Variants in SOS1 observed in about 807,000 individuals in gnomAD.
SOS1 encodes SOS Ras/Rac guanine nucleotide exchange factor 1.
Under a neutral mutation model 157.6 loss-of-function variants are expected in SOS1, and 25 were observed. The ratio of observed to expected loss-of-function variants is 0.16; its 90% CI spans 0.12 to 0.22. SOS1 has a LOEUF of 0.22. SOS1 is among the 10% of genes least tolerant of loss of function. The probability of loss-of-function intolerance (pLI) is 1.00; values close to 1 mark genes in which losing one functional copy is unlikely to be tolerated. For synonymous variants in SOS1, 528 were observed against 534.0 expected (o/e 0.99, Z 0.16); for missense variants, 1,237 against 1,599.1 (o/e 0.77, Z 3.86).
rs41280639 is a variant in SOS1, at chr2:39,058,621, G to C, written c.345+52C>G. 0.018 allele frequency: 27,691 copies of C among 1,571,944 alleles called. 770 individuals carry two copies. The highest frequency in any genetic ancestry group is 0.12 in the African/African-American group (9,055 of 73,844). On this transcript the variant is annotated intron_variant, in intron 3 of 22. Coordinates refer to ENST00000402219, the MANE Select transcript of SOS1 (RefSeq NM_005633.4). ...AAATATATTCTTATTGTATAAAAAT[G>C]GTGGGTTTTATTTTTCCCTTAAAAG...
At chr2:39,089,213 A>C (rs1056650366) in intron 1 of SOS1, among the ~76,000 whole-genome samples, 4 of 152,186 alleles carry the variant, frequency 2.6e-5, no homozygotes, top group African/African-American at 9.6e-5. Context: ...AAGTTGACTC[A>C]TAAAGTAGTG....
At chr2:39,031,364 C>G (rs1670154481) in intron 8 of SOS1, among the ~76,000 whole-genome samples, 1 of 152,078 alleles carries the variant, frequency 6.6e-6, no homozygotes, top group Admixed American at 6.5e-5. Flanking sequence ...GAGATAAAAT[C>G]CCATGTATAA....
chr2:39,047,621 A>C (rs1281628007), intron 6 of SOS1, among the ~76,000 whole-genome samples: 2 of 152,210 alleles, frequency 1.3e-5, no homozygotes. Flanking sequence ...AAAACAAAAA[A>C]ACCCTGAAGT....
chr2:39,033,459 T>C (rs1279582477), intron 8 of SOS1, among the ~76,000 whole-genome samples: 2 of 152,298 alleles, frequency 1.3e-5, no homozygotes. Context: ...ATTTCTTTTA[T>C]ATTATTAAGA....
In SOS1 at chr2:38,985,956, C is replaced by A; in HGVS notation, c.3870G>T (p.Pro1290=). The A allele has an allele frequency of 6.2e-7, 1 of 1,613,878 alleles. No homozygotes were observed. Residue 1290 remains proline, a synonymous_variant, in exon 23 of 23, where the codon CCG becomes CCT. Coordinates refer to ENST00000402219, the MANE Select transcript of SOS1 (RefSeq NM_005633.4). ...AAGTGCTTTGTCGTGGAGGAACAGG[C>A]GGCCCAGCAATGGAATGAAGGTCCA... The part of the protein sequence containing the change: ...QEVDLHSIAG[P]PVPPRQSTSQ...
At position 38,983,789 on chromosome 2, in the gene SOS1, G is replaced by A. The variant is rs1668469616; in HGVS notation, c.*2035C>T. On this transcript the variant is annotated 3_prime_UTR_variant, in exon 23 of 23. Coordinates refer to ENST00000402219, the MANE Select transcript of SOS1 (RefSeq NM_005633.4). ...ATCATGATTAGTTGTAGCGGCTCTA[G>A]TAAGTTGGCTCACATAAATACTGTT... 6.6e-6 allele frequency: 1 copy of A among 152,172 alleles called. No homozygotes were observed. Among genetic ancestry groups the A allele is most frequent in the South Asian group, 2.1e-4 (1 of 4,826 alleles). The allele number at this position is 152,172 out of a possible 1,614,324, so 9.4% of individuals were successfully genotyped here. A position where few individuals can be genotyped will look rare whatever the true frequency, so the allele number is the denominator to read the frequency against.
intron 8 of SOS1, chr2:39,034,802 C>G (rs918689186): frequency 2.2e-6 from 1 of 457,110 alleles, no homozygotes; most frequent in African/African-American, 2.0e-5. Flanking sequence ...TATCCTCACA[C>G]TGGCTCCCTT....
chr2:39,023,719 A>G (rs1669872041), intron 9 of SOS1: 1 of 343,326 alleles, frequency 2.9e-6, no homozygotes, highest in African/African-American at 2.1e-5. Flanking sequence ...CTTTGACAGA[A>G]TAACGATGCC....
intron 15 of SOS1, among the ~76,000 whole-genome samples, chr2:39,007,931 AAG>A (rs1215970269): frequency 6.6e-6 from 1 of 152,196 alleles, no homozygotes; most frequent in African/African-American, 2.4e-5. Context: ...AAAATTTGGT[AAG>A]AGAGGGGAGA....
At chr2:39,117,240 G>A (rs1236971834) in intron 1 of SOS1, among the ~76,000 whole-genome samples, 1 of 152,100 alleles carries the variant, frequency 6.6e-6, no homozygotes, top group Non-Finnish European at 1.5e-5. Flanking sequence ...ACGTTGGCCA[G>A]GCTGGTCTTG....
chr2:39,110,720 A>C (rs985358347), intron 1 of SOS1, among the ~76,000 whole-genome samples: 1 of 152,268 alleles, frequency 6.6e-6, no homozygotes, highest in Non-Finnish European at 1.5e-5. Flanking sequence ...TTAAAAGACA[A>C]CATTAGGAAA....
chr2:39,098,956 G>C (rs1572891286), intron 1 of SOS1, among the ~76,000 whole-genome samples: 1 of 151,934 alleles, frequency 6.6e-6, no homozygotes, highest in South Asian at 2.1e-4. Flanking sequence ...CAAAGGATCT[G>C]AACAGATATT....
chr2:39,041,618 T>C (rs898967526), intron 6 of SOS1, among the ~76,000 whole-genome samples: 3 of 152,250 alleles, frequency 2.0e-5, no homozygotes, highest in African/African-American at 7.2e-5. Context: ...GATTCAGACC[T>C]GTTTTCTTCC....
intron 1 of SOS1, among the ~76,000 whole-genome samples, chr2:39,117,066 T>C (rs574863695): frequency 3.6e-4 from 54 of 151,696 alleles, no homozygotes; most frequent in African/African-American, 1.3e-3. Context: ...TTTGCTCTTG[T>C]TGCCCAGGTT....
chr2:39,122,447 T>TAC (rs70954783), upstream of SOS1, among the ~76,000 whole-genome samples: 1,065 of 142,188 alleles, frequency 7.5e-3, 10 homozygotes, highest in African/African-American at 0.021. Flanking sequence ...AAAAAAAATA[T>TAC]ACACACACAC....
At chr2:39,002,908 T>TA (rs952842049) in intron 17 of SOS1, among the ~76,000 whole-genome samples, 1 of 151,752 alleles carries the variant, frequency 6.6e-6, no homozygotes, top group Non-Finnish European at 1.5e-5. Flanking sequence ...CTACAAAAAA[T>TA]AAAAAAATTA....
At chr2:39,004,619 A>C (rs1669226064) in intron 17 of SOS1, among the ~76,000 whole-genome samples, 1 of 152,112 alleles carries the variant, frequency 6.6e-6, no homozygotes, top group Non-Finnish European at 1.5e-5. Context: ...TTATTACTAG[A>C]TTATATGAAC....
intron 1 of SOS1, among the ~76,000 whole-genome samples, chr2:39,089,100 C>A (rs1031362573): frequency 6.6e-6 from 1 of 152,148 alleles, no homozygotes; most frequent in African/African-American, 2.4e-5. Flanking sequence ...AAACAAAACA[C>A]CTCTCGTGAT....
At chr2:39,080,482 A>T (rs1010496978) in intron 1 of SOS1, among the ~76,000 whole-genome samples, 1 of 152,178 alleles carries the variant, frequency 6.6e-6, no homozygotes, top group African/African-American at 2.4e-5. Flanking sequence ...TTTAAACTGA[A>T]CATTTAAACT....
Sources: gnomAD v4.1 joint callset for allele counts (sites outside exome capture counted in the v4.1 genomes callset) on GRCh38, gnomAD v4.1.1 for gene constraint, MANE v1.5 for transcripts, NCBI Gene and HGNC (gene_info 2026-07-23, HGNC 2026-07-21) for gene names.